GFPT2: variants seen among roughly 807,000 people sequenced by gnomAD.
The protein encoded by GFPT2 is glutamine--fructose-6-phosphate aminotransferase [isomerizing] 2.
In GFPT2, 62 loss-of-function variants were observed where a neutral mutation model predicts 85.6. The observed-to-expected ratio is 0.72, with a 90% CI of 0.59 to 0.90. GFPT2 has a LOEUF of 0.90. GFPT2 is among the 40% of genes least tolerant of loss of function. GFPT2 has a pLI of 0.00. For missense variants in GFPT2, 788 were observed against 893.4 expected (o/e 0.88, Z 1.50); for synonymous variants, 368 against 344.5 (o/e 1.07, Z -0.75).
In GFPT2 at chr5:180,324,000, AG is replaced by A. The variant is rs1401088769; in HGVS notation, c.794+187del. On this transcript the variant is annotated intron_variant, in intron 9 of 18. Transcript: ENST00000253778. This position sits in a 1 kb window ranked among gnomAD's most constrained non-coding sequence, Gnocchi z 4.0. Reference sequence around the variant, plus strand: ...TTTGGCCACCAGGGCTGCCTACCACAGTCATGCAGGTGCTCCTAGGACAAGG... The same window carrying A: ...TTTGGCCACCAGGGCTGCCTACCACATCATGCAGGTGCTCCTAGGACAAGG... Among the ~76,000 whole-genome samples, 1 of 152,270 alleles carries A rather than the reference AG, an allele frequency of 6.6e-6. No individual in the cohort carries two copies. Among genetic ancestry groups the A allele is most frequent in the Non-Finnish European group, 1.5e-5 (1 of 68,040 alleles).
At chr5:180,315,187 T>C (rs867671043) in intron 13 of GFPT2, among the ~76,000 whole-genome samples, 10 of 150,882 alleles carry the variant, frequency 6.6e-5, no homozygotes, top group African/African-American at 9.7e-5. Flanking sequence ...TTTTCTTTTT[T>C]TTTTTTTTGA....
rs534055745 is a variant in GFPT2, at chr5:180,351,428, TGCCCCCA to T, written c.7+1776_7+1782del. Among the ~76,000 whole-genome samples the T allele has an allele frequency of 2.4e-3, 350 of 143,572 alleles. 1 individual carries two copies. The highest frequency in any genetic ancestry group is 8.3e-3 in the African/African-American group (328 of 39,706). 94.2% of individuals were successfully genotyped at this position (143,572 alleles called of 152,430 possible). ...TGTGCCCTCCCCACTTCCCCCACCC[TGCCCCCA>T]GCCCCAAATCAGCAAATCTGGGAAT... On this transcript the variant is annotated intron_variant, in intron 1 of 18. Transcript: ENST00000253778.
In GFPT2 at chr5:180,328,529, A is replaced by G. The variant is rs1302493020; in HGVS notation, c.535-191T>C. 1.3e-5 allele frequency among the ~76,000 whole-genome samples: 2 copies of G among 152,210 alleles called. No individual in the cohort carries two copies. The highest frequency in any genetic ancestry group is 3.9e-4 in the East Asian group (2 of 5,180). On this transcript the variant is annotated intron_variant, in intron 6 of 18. Transcript: ENST00000253778. This position sits in a 1 kb window ranked among gnomAD's most constrained non-coding sequence, Gnocchi z 5.4. ...AAGCAAAACAGACGGTGCCACGGGA[A>G]GTACCACAAACCAGAACATGTGAAT... is the stretch of plus-strand genomic sequence containing the variant.
rs751065674 is a variant in GFPT2 at position 180,304,777 on chromosome 5, G to A, written c.1837C>T (p.Arg613Cys). 147 of 1,612,442 alleles carry A rather than the reference G, an allele frequency of 9.1e-5. No individual in the cohort carries two copies. Among genetic ancestry groups the A allele is most frequent in the South Asian group, 5.9e-4 (54 of 91,018 alleles). The change falls in exon 17 of 19, where the codon CGC becomes TGC. Residue 613 changes from arginine to cysteine, a missense_variant. By Grantham distance (180) the Arg-to-Cys change is radical. Coordinates refer to ENST00000253778, the MANE Select transcript of GFPT2 (RefSeq NM_005110.4). Reference sequence around the variant, plus strand: ...GTCCAGTGGAGAGCCCTCACCTGGCGGGCCGTGACTTGCTGCAGGGCGTTC... The same window carrying A: ...GTCCAGTGGAGAGCCCTCACCTGGCAGGCCGTGACTTGCTGCAGGGCGTTC... ...CQNALQQVTARQGRPIILCSK... is the reference protein window; with the variant it reads ...CQNALQQVTACQGRPIILCSK...
intron 1 of GFPT2, among the ~76,000 whole-genome samples, chr5:180,339,410 T>G (rs1384475607): frequency 2.0e-5 from 3 of 151,786 alleles, no homozygotes; most frequent in Admixed American, 6.6e-5. Flanking sequence ...AGCACTACTT[T>G]TATGACAGCA....
rs866569009 is a variant in GFPT2 at position 180,317,706 on chromosome 5, C to T, written c.959-648G>A. On this transcript the variant is annotated intron_variant, in intron 10 of 18. Transcript: ENST00000253778. The stretch of plus-strand genomic sequence containing the variant: ...CCCGGGAGGCGGAGCTTGCAGTGAG[C>T]CGAGATCGCGCCACAGCACTCCAGC... Among the ~76,000 whole-genome samples the T allele has an allele frequency of 2.1e-3, 244 of 116,972 alleles. 16 individuals carry two copies. The highest frequency in any genetic ancestry group is 8.1e-3 in the African/African-American group (218 of 27,000). The allele number at this position is 116,972 out of a possible 152,430, so 76.7% of individuals were successfully genotyped here. A position where few individuals can be genotyped will look rare whatever the true frequency, so the allele number is the denominator to read the frequency against.
At chr5:180,315,184 T>TTC (rs1183500809) in intron 13 of GFPT2, among the ~76,000 whole-genome samples, 1 of 149,880 alleles carries the variant, frequency 6.7e-6, no homozygotes, top group East Asian at 1.9e-4. Context: ...TCTTTTTCTT[T>TTC]TTTTTTTTTT....
chr5:180,306,961 T>TC (rs1561871519), intron 16 of GFPT2, among the ~76,000 whole-genome samples: 1 of 152,164 alleles, frequency 6.6e-6, no homozygotes, highest in Admixed American at 6.5e-5. Context: ...GATTGGGAGA[T>TC]CCCTGGGGGC....
chr5:180,340,811 G>T (rs1490837498), intron 1 of GFPT2, among the ~76,000 whole-genome samples: 1 of 152,132 alleles, frequency 6.6e-6, no homozygotes, highest in African/African-American at 2.4e-5. Context: ...ACCACGCCTG[G>T]CTCCGCAGTT....
rs778505445 is a variant in GFPT2 at position 180,330,201 on chromosome 5, G to A, written c.534+499C>T. ...CCAGGTGTGGTGGTGCGTGCCTGTA[G>A]TCTCAGCTAACTCAGGAGGCTGAGG... is the stretch of plus-strand genomic sequence containing the variant. On this transcript the variant is annotated intron_variant, in intron 6 of 18. Transcript: ENST00000253778. The surrounding 1 kb of genome is among the most constrained non-coding windows in gnomAD (Gnocchi z 4.4). Among the ~76,000 whole-genome samples, 42 of 152,138 alleles carry A rather than the reference G, an allele frequency of 2.8e-4. No homozygotes were observed. The highest frequency in any genetic ancestry group is 4.3e-4 in the Non-Finnish European group (29 of 68,034).
chr5:180,303,715 A>T (rs1346411457), intron 17 of GFPT2, among the ~76,000 whole-genome samples: 1 of 152,194 alleles, frequency 6.6e-6, no homozygotes, highest in Non-Finnish European at 1.5e-5. Context: ...ACCTCAGGGC[A>T]GCTGCTGTGT....
At chr5:180,316,935 G>A (rs754143463) in intron 11 of GFPT2, 28 bp downstream of exon 11, 12 of 1,562,232 alleles carry the variant, frequency 7.7e-6, no homozygotes, top group Admixed American at 6.7e-5. Flanking sequence ...GGCTCGGGCG[G>A]AGGCTCCCCA....
chr5:180,327,943 T>C (rs138221700), intron 7 of GFPT2, among the ~76,000 whole-genome samples: 4 of 152,344 alleles, frequency 2.6e-5, no homozygotes, highest in Non-Finnish European at 4.4e-5. Flanking sequence ...GGGGCCCACA[T>C]TGTACAGGCT....
At chr5:180,340,680 T>C (rs9687074) in intron 1 of GFPT2, among the ~76,000 whole-genome samples, 12,752 of 150,598 alleles carry the variant, frequency 0.085, 664 homozygotes, top group African/African-American at 0.14. Flanking sequence ...CCCAGCTAAT[T>C]TTTTTTTGTA....
At chr5:180,348,265 G>A (rs1342055128) in intron 1 of GFPT2, among the ~76,000 whole-genome samples, 1 of 152,234 alleles carries the variant, frequency 6.6e-6, no homozygotes, top group Non-Finnish European at 1.5e-5. Flanking sequence ...TGAAATTCCC[G>A]AGCGTGTGCA....
chr5:180,314,113 G>T (rs1432201279), intron 13 of GFPT2, 149 bp from the exon 14 acceptor site: 2 of 694,934 alleles, frequency 2.9e-6, no homozygotes, highest in African/African-American at 1.8e-5. Context: ...TCGCTCAACA[G>T]CCTTTTCGGT....
rs200635895 is a variant in GFPT2, at chr5:180,330,758, T to C, written c.476A>G (p.Asn159Ser). The change falls in exon 6 of 19, where the codon AAC becomes AGC. Residue 159 changes from asparagine (N) to serine (S), a missense_variant. Asn to Ser is a conservative substitution (Grantham distance 46). Transcript: ENST00000253778. This position sits in a 1 kb window ranked among gnomAD's most constrained non-coding sequence, Gnocchi z 4.4. ...IAKLIKYVFDNRETEDITFST... is the reference protein window; with the variant it reads ...IAKLIKYVFDSRETEDITFST... Reference sequence around the variant, plus strand: ...AAACGTAATGTCCTCAGTTTCTCTGTTGTCGAACACATATTTAATCAGCTT... The same window carrying C: ...AAACGTAATGTCCTCAGTTTCTCTGCTGTCGAACACATATTTAATCAGCTT... 9.3e-6 allele frequency: 15 copies of C among 1,613,028 alleles called. No individual in the cohort carries two copies. Among genetic ancestry groups the C allele is most frequent in the Admixed American group, 1.7e-5 (1 of 60,030 alleles).
chr5:180,331,661 G>A, intron 4 of GFPT2, 108 bp from the exon 5 acceptor site: 2 of 729,966 alleles, frequency 2.7e-6, no homozygotes, highest in East Asian at 2.6e-5. Context: ...CAGGCCTCAA[G>A]ACTTCTGTTA....
chr5:180,328,185 G>A lies in GFPT2; in HGVS notation c.596+92C>T, dbSNP rs528918304. 2.5e-4 allele frequency: 239 copies of A among 960,664 alleles called. 1 individual carries two copies. The African/African-American group carries it at 3.3e-3, about 13-fold the overall frequency. The allele number at this position is 960,664 out of a possible 1,614,324, so 59.5% of individuals were successfully genotyped here. The stretch of plus-strand genomic sequence containing the variant: ...TTAGACACCACGAGCACCTTTCAGC[G>A]TGCCACAGGCCCTACCTCTCCCGTC... On this transcript the variant is annotated intron_variant, in intron 7 of 18. Coordinates refer to ENST00000253778, the MANE Select transcript of GFPT2 (RefSeq NM_005110.4). The surrounding 1 kb of genome is among the most constrained non-coding windows in gnomAD (Gnocchi z 5.4).
Sources: allele counts gnomAD v4.1 joint callset (sites outside exome capture counted in the v4.1 genomes callset), GRCh38; gene constraint gnomAD v4.1.1; non-coding constraint Gnocchi (gnomAD v3.1); transcripts MANE v1.5; gene names NCBI Gene and HGNC (gene_info 2026-07-23, HGNC 2026-07-21).